KCNMB2: variants seen among roughly 807,000 people sequenced by gnomAD.
KCNMB2 encodes the protein potassium calcium-activated channel subfamily M regulatory beta subunit 2.
A neutral mutation model predicts 24.5 loss-of-function variants in KCNMB2; 9 were observed. The observed-to-expected ratio is 0.37, with a 90% CI of 0.22 to 0.64. The LOEUF is 0.64. KCNMB2 is among the 30% of genes least tolerant of loss of function. KCNMB2 has a pLI of 0.63. For missense variants in KCNMB2, 226 were observed against 284.3 expected (o/e 0.79, Z 1.47); for synonymous variants, 109 against 104.4 (o/e 1.04, Z -0.27).
chr3:178,689,121 T>C (rs112589893), intron 1 of KCNMB2, among the ~76,000 whole-genome samples: 250 of 152,258 alleles, frequency 1.6e-3, no homozygotes, highest in African/African-American at 5.8e-3. Context: ...AAAGAAAATA[T>C]TGTTGTTTAT....
intron 1 of KCNMB2, among the ~76,000 whole-genome samples, chr3:178,652,679 G>A (rs879920101): frequency 2.1e-5 from 1 of 48,718 alleles, no homozygotes; most frequent in Non-Finnish European, 4.2e-5. Flanking sequence ...TTTTTTTTTT[G>A]AGACAAGAGT....
chr3:178,786,911 A>G (rs1713124682), intron 1 of KCNMB2, among the ~76,000 whole-genome samples: 1 of 152,160 alleles, frequency 6.6e-6, no homozygotes, highest in South Asian at 2.1e-4. Flanking sequence ...TATAAGTCAA[A>G]TAAGTTGCAG....
intron 1 of KCNMB2, among the ~76,000 whole-genome samples, chr3:178,667,435 C>T (rs940990580): frequency 1.3e-5 from 2 of 152,166 alleles, no homozygotes; most frequent in Non-Finnish European, 2.9e-5. Context: ...CTTCTACCTT[C>T]CACCTTGTGA....
At chr3:178,797,433 A>G (rs1003754764) in intron 1 of KCNMB2, among the ~76,000 whole-genome samples, 1 of 152,182 alleles carries the variant, frequency 6.6e-6, no homozygotes, top group African/African-American at 2.4e-5. Context: ...CAAAAAAAGA[A>G]AACTACAGGC....
chr3:178,555,508 G>T (rs1716093049), intron 1 of KCNMB2, among the ~76,000 whole-genome samples: 1 of 152,154 alleles, frequency 6.6e-6, no homozygotes, highest in African/African-American at 2.4e-5. Flanking sequence ...TGAATGAAAT[G>T]ACATATATAA....
At chr3:178,759,759 TATATATATCCAA>T (rs1711659358) in intron 1 of KCNMB2, among the ~76,000 whole-genome samples, 1 of 55,230 alleles carries the variant, frequency 1.8e-5, no homozygotes, top group African/African-American at 9.3e-5. Flanking sequence ...TATATCTATA[TATATATATCCAA>T]GAGGATATAT....
At chr3:178,693,061 G>C (rs1245997264) in intron 1 of KCNMB2, among the ~76,000 whole-genome samples, 1 of 152,122 alleles carries the variant, frequency 6.6e-6, no homozygotes, top group Non-Finnish European at 1.5e-5. Flanking sequence ...GACTGTTGCT[G>C]GTGTATAGAA....
intron 1 of KCNMB2, among the ~76,000 whole-genome samples, chr3:178,714,342 CAAGT>C: frequency 6.6e-6 from 1 of 152,314 alleles, no homozygotes; most frequent in Non-Finnish European, 1.5e-5. Flanking sequence ...GACCCTCAAA[CAAGT>C]AAGTTACAAG....
At chr3:178,794,788 A>T (rs750510633) in intron 1 of KCNMB2, among the ~76,000 whole-genome samples, 6 of 152,200 alleles carry the variant, frequency 3.9e-5, no homozygotes, top group Non-Finnish European at 5.9e-5. Flanking sequence ...GAGGGTCTTA[A>T]GTAATCACCA....
chr3:178,718,745 C>CA, intron 1 of KCNMB2, among the ~76,000 whole-genome samples: 1 of 152,292 alleles, frequency 6.6e-6, no homozygotes, highest in South Asian at 2.1e-4. Flanking sequence ...CTCAGAAAGT[C>CA]AAATCATGAA....
intron 1 of KCNMB2, among the ~76,000 whole-genome samples, chr3:178,707,812 T>C (rs1016956329): frequency 2.0e-5 from 3 of 152,164 alleles, no homozygotes; most frequent in Admixed American, 1.3e-4. Flanking sequence ...AAGGGGCTAA[T>C]TTAAAAGAAA....
In KCNMB2 at chr3:178,811,985, C is replaced by A. The variant is rs115771226; in HGVS notation, c.56+4520C>A. ...ATATTTGCCCCAATTAGGTCAAATA[C>A]TTGACTGTTTAAATAATTTGCAATT... is the stretch of plus-strand genomic sequence containing the variant. On this transcript the variant is annotated intron_variant, in intron 2 of 4. Transcript: ENST00000452583. Among the ~76,000 whole-genome samples, 1,358 of 152,054 alleles carry A rather than the reference C, an allele frequency of 8.9e-3. 23 individuals carry two copies. Among genetic ancestry groups the A allele is most frequent in the African/African-American group, 0.031 (1,275 of 41,484 alleles).
chr3:178,695,222 G>A (rs1721831698), intron 1 of KCNMB2, among the ~76,000 whole-genome samples: 1 of 152,210 alleles, frequency 6.6e-6, no homozygotes, highest in Non-Finnish European at 1.5e-5. Flanking sequence ...TGGGATACAG[G>A]GAACCAAGTC....
At chr3:178,755,680 G>A (rs1001876768) in intron 1 of KCNMB2, among the ~76,000 whole-genome samples, 1 of 152,058 alleles carries the variant, frequency 6.6e-6, no homozygotes, top group Non-Finnish European at 1.5e-5. Flanking sequence ...GACATTCTCT[G>A]GGTTATTATT....
At chr3:178,756,953 A>C (rs781723119) in intron 1 of KCNMB2, 4 of 151,970 alleles carry the variant, frequency 2.6e-5, no homozygotes, top group Non-Finnish European at 4.4e-5. Flanking sequence ...TTTAAAGAGA[A>C]AAATTGCCAA....
At chr3:178,739,419 G>C (rs1034841417) in intron 1 of KCNMB2, among the ~76,000 whole-genome samples, 7 of 152,170 alleles carry the variant, frequency 4.6e-5, no homozygotes, top group African/African-American at 1.7e-4. Flanking sequence ...TACCTCTGGG[G>C]ACAACTCCAG....
At chr3:178,731,449 C>T (rs935135013) in intron 1 of KCNMB2, among the ~76,000 whole-genome samples, 7 of 152,150 alleles carry the variant, frequency 4.6e-5, no homozygotes, top group Non-Finnish European at 1.0e-4. Context: ...TGCCAAATGT[C>T]CCCCGTGGGA....
At chr3:178,678,554 G>C (rs1407519977) in intron 1 of KCNMB2, among the ~76,000 whole-genome samples, 1 of 152,316 alleles carries the variant, frequency 6.6e-6, no homozygotes, top group South Asian at 2.1e-4. Flanking sequence ...TCAAACTGGA[G>C]TTGCCTTGGA....
intron 1 of KCNMB2, among the ~76,000 whole-genome samples, chr3:178,757,664 G>GAGGA (rs1724166401): frequency 4.1e-5 from 1 of 24,136 alleles, no homozygotes; most frequent in Non-Finnish European, 7.5e-5. Flanking sequence ...ATATATATAT[G>GAGGA]TATATATATC....
Sources: allele counts gnomAD v4.1 joint callset (sites outside exome capture counted in the v4.1 genomes callset), GRCh38; gene constraint gnomAD v4.1.1; transcripts MANE v1.5; gene names NCBI Gene and HGNC (gene_info 2026-07-23, HGNC 2026-07-21).